The following NECTIN3 variants were observed in gnomAD, a reference collection of about 807,000 sequenced individuals.
The protein encoded by NECTIN3 is nectin-3.
Under a neutral mutation model 49.4 loss-of-function variants are expected in NECTIN3, and 8 were observed. That is an observed-to-expected ratio of 0.16 (90% CI 0.10 to 0.29). The LOEUF (loss-of-function observed/expected upper bound fraction) is 0.29. NECTIN3 is among the 10% of genes least tolerant of loss of function. The pLI is 1.00. For missense variants in NECTIN3, 581 were observed against 654.6 expected (o/e 0.89, Z 1.23); for synonymous variants, 277 against 241.1 (o/e 1.15, Z -1.38).
At chr3:111,073,725 G>A (rs182805827) in intron 1 of NECTIN3, among the ~76,000 whole-genome samples, 2 of 152,240 alleles carry the variant, frequency 1.3e-5, no homozygotes, top group Admixed American at 1.3e-4. Flanking sequence ...TTATGTTAAG[G>A]ACTGAGAGAA....
At position 111,137,339 on chromosome 3, in the gene NECTIN3, C is replaced by T. The variant is rs574492470; in HGVS notation, c.*3124C>T. The T allele has an allele frequency of 1.1e-5, 11 of 971,712 alleles. No homozygotes were observed. The African/African-American group carries it at 1.8e-4, about 16-fold the overall frequency. The allele number at this position is 971,712 out of a possible 1,614,324, so 60.2% of individuals were successfully genotyped here. On this transcript the variant is annotated 3_prime_UTR_variant, in exon 6 of 6. Transcript: ENST00000485303. Reference sequence around the variant, plus strand: ...TTTACTTGTTAATTAGAAAATGCATCCTTCATAAACAGCTCCTTTCTCAAA... The same window carrying T: ...TTTACTTGTTAATTAGAAAATGCATTCTTCATAAACAGCTCCTTTCTCAAA...
chr3:111,091,253 ATTTG>A (rs2032251248), intron 1 of NECTIN3, among the ~76,000 whole-genome samples: 1 of 151,496 alleles, frequency 6.6e-6, no homozygotes, highest in Non-Finnish European at 1.5e-5. Context: ...CTTTTCTTTT[ATTTG>A]TTTATTTATT....
rs554528661 is a variant in NECTIN3, at chr3:111,151,402, T to A, written c.1221+3918T>A. Among the ~76,000 whole-genome samples the A allele has an allele frequency of 2.0e-5, 3 of 151,878 alleles. No homozygotes were observed. In the South Asian group the frequency reaches 6.2e-4, roughly 31 times the overall value. On this transcript the variant is annotated intron_variant, in intron 7 of 8. Coordinates refer to the NECTIN3 transcript ENST00000493615. ...ATATTTAATGTCAGTGTCTATAATA[T>A]CACTGTATCAAGTATGAGATATCAA...
intron 1 of NECTIN3, 155 bp downstream of exon 1, chr3:111,072,332 C>G: frequency 1.4e-6 from 2 of 1,432,704 alleles, no homozygotes; most frequent in Non-Finnish European, 1.8e-6. Flanking sequence ...TCGCCGCGCC[C>G]GGGGCGAGGC....
intron 7 of NECTIN3, among the ~76,000 whole-genome samples, chr3:111,171,721 C>T (rs542536718): frequency 6.6e-6 from 1 of 151,300 alleles, no homozygotes; most frequent in African/African-American, 2.4e-5. Flanking sequence ...AAAAAAAAAC[C>T]TCTTCAAAAC....
At chr3:111,163,184 C>G (rs1411173964) in intron 7 of NECTIN3, among the ~76,000 whole-genome samples, 2 of 152,174 alleles carry the variant, frequency 1.3e-5, no homozygotes, top group Non-Finnish European at 2.9e-5. Flanking sequence ...GCCCAAGGAT[C>G]TCTTTCTTCA....
chr3:111,105,320 A>G (rs2033130643), intron 1 of NECTIN3, among the ~76,000 whole-genome samples: 1 of 151,524 alleles, frequency 6.6e-6, no homozygotes, highest in Non-Finnish European at 1.5e-5. Flanking sequence ...TTTTGTAGAG[A>G]TGGGGTTTGG....
At chr3:111,158,531 T>A (rs527558997) in intron 7 of NECTIN3, among the ~76,000 whole-genome samples, 2 of 152,266 alleles carry the variant, frequency 1.3e-5, no homozygotes, top group Admixed American at 1.3e-4. Flanking sequence ...AGAAAAATGA[T>A]GTAAAATAGT....
intron 1 of NECTIN3, chr3:111,074,303 A>C: frequency 4.4e-6 from 2 of 455,408 alleles, no homozygotes. Context: ...TAGTTAATAG[A>C]GTTATAATGA....
rs2034557956 is a variant in NECTIN3 at position 111,135,885 on chromosome 3, AC to A, written c.*1671del. On this transcript the variant is annotated 3_prime_UTR_variant, in exon 6 of 6. Coordinates refer to ENST00000485303, the MANE Select transcript of NECTIN3 (RefSeq NM_015480.3). ...TTTTATTTCTCTTCCCAAAAGTAAT[AC>A]TTATTATAAGGCTGTAGTATCAGGT... 2.2e-6 allele frequency: 2 copies of A among 907,782 alleles called. No homozygotes were observed. The highest frequency in any genetic ancestry group is 4.6e-5 in the African/African-American group (2 of 43,386). 56.2% of individuals were successfully genotyped at this position (907,782 alleles called of 1,614,324 possible).
At chr3:111,159,817 A>C (rs192525998) in intron 7 of NECTIN3, among the ~76,000 whole-genome samples, 41 of 152,352 alleles carry the variant, frequency 2.7e-4, no homozygotes, top group Admixed American at 1.9e-3. Context: ...AGCCCTGATT[A>C]TGATCTCTGT....
At chr3:111,187,501 A>C (rs1191232557), upstream of NECTIN3, among the ~76,000 whole-genome samples, 3 of 152,230 alleles carry the variant, frequency 2.0e-5, no homozygotes, top group Non-Finnish European at 2.9e-5. Context: ...TGTTCATACA[A>C]AACTTGCACA....
intron 1 of NECTIN3, among the ~76,000 whole-genome samples, chr3:111,076,970 C>T (rs1476826562): frequency 1.4e-5 from 2 of 144,786 alleles, no homozygotes; most frequent in Admixed American, 6.9e-5. Flanking sequence ...AGCAAGACTC[C>T]GTCTCAAAAA....
At position 111,072,146 on chromosome 3, in the gene NECTIN3, C is replaced by T. The variant is rs770712015; in HGVS notation, c.129C>T (p.Leu43=). ...CGCCACCTCCGCTGCTGCTGCTGCT[C>T]TTCCCGCTGCTGCTCTTCTCCAGGC... is the stretch of plus-strand genomic sequence containing the variant. ...PPTPPPLLLL[L]FPLLLFSRLC... is the part of the protein sequence containing the mutation. The change falls in exon 1 of 6, where the codon CTC becomes CTT. Residue 43 remains leucine, a synonymous_variant. Transcript: ENST00000485303. 123 of 1,551,724 alleles carry T rather than the reference C, an allele frequency of 7.9e-5. 1 individual carries two copies. In the South Asian group the frequency reaches 1.4e-3, roughly 17 times the overall value.
At chr3:111,131,587 A>G (rs962715382) in intron 5 of NECTIN3, among the ~76,000 whole-genome samples, 1 of 152,010 alleles carries the variant, frequency 6.6e-6, no homozygotes, top group Admixed American at 6.5e-5. Flanking sequence ...AAACATTTCT[A>G]GAACCATCAA....
chr3:111,124,573 T>C (rs1474931870), intron 4 of NECTIN3, among the ~76,000 whole-genome samples: 1 of 152,202 alleles, frequency 6.6e-6, no homozygotes, highest in Non-Finnish European at 1.5e-5. Flanking sequence ...TCCAAAGCCT[T>C]CTAAAGAAAA....
chr3:111,072,507 C>G, intron 1 of NECTIN3: 1 of 1,535,826 alleles, frequency 6.5e-7, no homozygotes, highest in East Asian at 2.4e-5. Flanking sequence ...CTCTGGGAAC[C>G]CTCGTAGGTT....
chr3:111,077,427 C>A, intron 1 of NECTIN3: 1 of 208,180 alleles, frequency 4.8e-6, no homozygotes, highest in Admixed American at 5.3e-5. Flanking sequence ...GGCTTTCAGC[C>A]TAGGTTTTAT....
intron 4 of NECTIN3, among the ~76,000 whole-genome samples, chr3:111,125,466 A>G (rs1038416708): frequency 3.3e-5 from 5 of 152,284 alleles, no homozygotes; most frequent in East Asian, 1.9e-4. Flanking sequence ...ACAGTGAATG[A>G]CTTTAGAATT....
Sources: gnomAD v4.1 joint callset for allele counts (sites outside exome capture counted in the v4.1 genomes callset) on GRCh38, gnomAD v4.1.1 for gene constraint, MANE v1.5 for transcripts, NCBI Gene and HGNC (gene_info 2026-07-23, HGNC 2026-07-21) for gene names.